Variants in CERS6 observed in about 807,000 individuals in gnomAD.
CERS6 encodes ceramide synthase 6, also known as LAG1 homolog, ceramide synthase 6.
Under a neutral mutation model 56.8 loss-of-function variants are expected in CERS6, and 26 were observed. That is an observed-to-expected ratio of 0.46 (90% CI 0.34 to 0.63). The LOEUF is 0.63. CERS6 is among the 30% of genes least tolerant of loss of function. The probability of loss-of-function intolerance (pLI) is 0.01; values close to 1 mark genes in which losing one functional copy is unlikely to be tolerated. For synonymous variants in CERS6, 164 were observed against 173.3 expected, an observed-to-expected ratio of 0.95 and a Z score of 0.42; for missense variants, 415 against 467.5, an observed-to-expected ratio of 0.89 and a Z score of 1.04.
rs868384006 is a variant in CERS6 at position 168,710,042 on chromosome 2, C to T, written c.610-4959C>T. Among the ~76,000 whole-genome samples, 4 of 152,214 alleles carry T rather than the reference C, an allele frequency of 2.6e-5. No individual in the cohort carries two copies. In the South Asian group the frequency reaches 8.3e-4, roughly 32 times the overall value. ...AGATAGGACTATAATGAAAATTGGTCTTCTGCCACGGGCATAACTGTGAGT... is the reference window on the plus strand; with the variant it reads ...AGATAGGACTATAATGAAAATTGGTTTTCTGCCACGGGCATAACTGTGAGT... On this transcript the variant is annotated intron_variant, in intron 6 of 9. Transcript: ENST00000305747.
rs375781271 is a variant in CERS6 at position 168,650,895 on chromosome 2, C to G, written c.465+19853C>G. Reference sequence around the variant, plus strand: ...ATATCCCATTTTTATCAGCATTACTCTTCTTGAACAATATAGAAGTAAAAA... The same window carrying G: ...ATATCCCATTTTTATCAGCATTACTGTTCTTGAACAATATAGAAGTAAAAA... On this transcript the variant is annotated intron_variant, in intron 4 of 9. Coordinates refer to ENST00000305747, the MANE Select transcript of CERS6 (RefSeq NM_203463.3). 2.8e-4 allele frequency among the ~76,000 whole-genome samples: 42 copies of G among 152,204 alleles called. 1 individual carries two copies. The South Asian group carries it at 8.5e-3, about 31-fold the overall frequency.
chr2:168,503,879 A>G (rs1235029504), intron 1 of CERS6, among the ~76,000 whole-genome samples: 1 of 152,224 alleles, frequency 6.6e-6, no homozygotes, highest in African/African-American at 2.4e-5. Context: ...TTGGGGACCC[A>G]AGTTCTGCAG....
intron 8 of CERS6, among the ~76,000 whole-genome samples, chr2:168,752,625 C>A (rs1315344079): frequency 6.6e-6 from 1 of 152,144 alleles, no homozygotes; most frequent in African/African-American, 2.4e-5. Flanking sequence ...ACGTAGCTGG[C>A]AGCTACAGTA....
chr2:168,574,785 A>G (rs1190653054), intron 3 of CERS6, among the ~76,000 whole-genome samples: 1 of 152,260 alleles, frequency 6.6e-6, no homozygotes, highest in Non-Finnish European at 1.5e-5. Flanking sequence ...TCTTGGGTAT[A>G]CATTAGTACC....
At chr2:168,750,849 A>G (rs761572240) in intron 8 of CERS6, among the ~76,000 whole-genome samples, 1 of 152,212 alleles carries the variant, frequency 6.6e-6, no homozygotes, top group African/African-American at 2.4e-5. Flanking sequence ...GCCAATTTAT[A>G]TTCCAACCCC....
rs1380848038 is a variant in CERS6, at chr2:168,512,922, T to C, written c.171-34674T>C. ...ACCTCATGATCCTCCCACCTCGGCC[T>C]CCCAAAATGCTGGGATTACAGGTGT... On this transcript the variant is annotated intron_variant, in intron 1 of 9. Transcript: ENST00000305747. Among the ~76,000 whole-genome samples the C allele has an allele frequency of 3.3e-5, 5 of 152,158 alleles. No individual in the cohort carries two copies. In the East Asian group the frequency reaches 9.6e-4, roughly 29 times the overall value.
intron 1 of CERS6, among the ~76,000 whole-genome samples, chr2:168,470,445 G>A (rs905380722): frequency 6.6e-6 from 1 of 152,088 alleles, no homozygotes; most frequent in Admixed American, 6.5e-5. Flanking sequence ...CACTGTCCCT[G>A]TGCCACATTT....
rs1450650714 is a variant in CERS6, at chr2:168,769,888, A to G, written c.*226A>G. The G allele has an allele frequency of 1.1e-5, 6 of 527,976 alleles. No individual in the cohort carries two copies. The highest frequency in any genetic ancestry group is 2.0e-5 in the Non-Finnish European group (6 of 304,416). The allele number at this position is 527,976 out of a possible 1,614,324, so 32.7% of individuals were successfully genotyped here. On this transcript the variant is annotated 3_prime_UTR_variant, in exon 10 of 10. Transcript: ENST00000305747. Reference sequence around the variant, plus strand: ...TATGTAATTGACACAAGGGAACAGTATTTGCATTTGTACTGTCTTAGAATA... The same window carrying G: ...TATGTAATTGACACAAGGGAACAGTGTTTGCATTTGTACTGTCTTAGAATA...
chr2:168,488,033 A>C (rs978844099), intron 1 of CERS6, among the ~76,000 whole-genome samples: 6 of 152,264 alleles, frequency 3.9e-5, no homozygotes, highest in African/African-American at 1.4e-4. Context: ...TGTAACTGTT[A>C]GTGAGGATGC....
At chr2:168,541,581 T>G (rs1019191745) in intron 1 of CERS6, among the ~76,000 whole-genome samples, 2 of 152,198 alleles carry the variant, frequency 1.3e-5, no homozygotes, top group African/African-American at 4.8e-5. Flanking sequence ...TTCATCAACC[T>G]ATTAGATTAT....
chr2:168,698,455 A>G (rs1686723029), intron 6 of CERS6, among the ~76,000 whole-genome samples: 1 of 152,078 alleles, frequency 6.6e-6, no homozygotes, highest in South Asian at 2.1e-4. Context: ...TACATGGTGG[A>G]GCAGAAGCAA....
chr2:168,582,323 G>A (rs1683433051), intron 3 of CERS6, among the ~76,000 whole-genome samples: 1 of 152,186 alleles, frequency 6.6e-6, no homozygotes, highest in Admixed American at 6.5e-5. Context: ...TCATGGTGGA[G>A]ATGCCTTTGG....
chr2:168,641,595 C>T (rs1357074605), intron 4 of CERS6, among the ~76,000 whole-genome samples: 5 of 152,148 alleles, frequency 3.3e-5, no homozygotes, highest in African/African-American at 1.2e-4. Flanking sequence ...CATTGAACAC[C>T]TATAATGTTA....
At chr2:168,672,268 C>T (rs10514622) in intron 4 of CERS6, among the ~76,000 whole-genome samples, 1 of 152,018 alleles carries the variant, frequency 6.6e-6, no homozygotes, top group Non-Finnish European at 1.5e-5. Context: ...GTTTCTAGTA[C>T]AGTAATAATC....
At chr2:168,732,934 A>AAG (rs1683588375) in intron 8 of CERS6, among the ~76,000 whole-genome samples, 1 of 152,030 alleles carries the variant, frequency 6.6e-6, no homozygotes, top group African/African-American at 2.4e-5. Flanking sequence ...GAGATAGATA[A>AAG]ATATATATAT....
intron 1 of CERS6, among the ~76,000 whole-genome samples, chr2:168,504,673 C>T (rs112672231): frequency 3.9e-5 from 6 of 152,144 alleles, no homozygotes; most frequent in African/African-American, 1.4e-4. Context: ...TGAGGTATAA[C>T]AATATTGTTA....
chr2:168,518,002 A>G (rs769178384), intron 1 of CERS6, among the ~76,000 whole-genome samples: 11 of 152,266 alleles, frequency 7.2e-5, no homozygotes, highest in Admixed American at 2.6e-4. Flanking sequence ...TCTCATGACT[A>G]ATTTTGCAGT....
intron 1 of CERS6, among the ~76,000 whole-genome samples, chr2:168,470,212 CAAAA>C (rs752453936): frequency 0.022 from 2,299 of 105,634 alleles, 57 homozygotes; most frequent in African/African-American, 0.077. Context: ...CCAACTCTAC[CAAAA>C]AAAAAAAAAA....
At chr2:168,582,665 C>T (rs915120290) in intron 3 of CERS6, among the ~76,000 whole-genome samples, 32 of 152,028 alleles carry the variant, frequency 2.1e-4, no homozygotes, top group African/African-American at 6.0e-4. Flanking sequence ...CTTTATTTTA[C>T]GTGATGCATT....
Sources: gnomAD v4.1 joint callset for allele counts (sites outside exome capture counted in the v4.1 genomes callset) on GRCh38, gnomAD v4.1.1 for gene constraint, MANE v1.5 for transcripts, NCBI Gene and HGNC (gene_info 2026-07-23, HGNC 2026-07-21) for gene names.